Variants in FOXN2 observed in about 807,000 individuals in gnomAD.
FOXN2 encodes the protein forkhead box protein N2.
FOXN2 carries 19 observed loss-of-function variants against 41.2 expected under a neutral mutation model. The ratio of observed to expected loss-of-function variants is 0.46; its 90% CI spans 0.32 to 0.68. FOXN2 has a LOEUF of 0.68. Ranked by LOEUF, FOXN2 falls within the 30% of genes least tolerant of loss-of-function variation. FOXN2 has a pLI of 0.03. For missense variants in FOXN2, 587 were observed against 509.4 expected (o/e 1.15, Z -1.47); for synonymous variants, 195 against 176.8 (o/e 1.10, Z -0.82).
At position 48,375,665 on chromosome 2, in the gene FOXN2, G is replaced by A. The variant is rs967539592; in HGVS notation, c.*222G>A. On this transcript the variant is annotated 3_prime_UTR_variant, in exon 7 of 7. Coordinates refer to ENST00000340553, the MANE Select transcript of FOXN2 (RefSeq NM_002158.4). ...GTGAAGTCCTAAAAGCATAATTTTT[G>A]TGATAAATGTGTCCAAGATTTGAAA... The A allele has an allele frequency of 1.5e-5, 6 of 402,674 alleles. No homozygotes were observed. The highest frequency in any genetic ancestry group is 3.8e-5 in the East Asian group (1 of 26,648). 24.9% of individuals were successfully genotyped at this position (402,674 alleles called of 1,614,324 possible). A position where few individuals can be genotyped will look rare whatever the true frequency, so the allele number is the denominator to read the frequency against.
At chr2:48,316,004 T>C (rs1668889732) in intron 1 of FOXN2, among the ~76,000 whole-genome samples, 1 of 152,172 alleles carries the variant, frequency 6.6e-6, no homozygotes, top group Non-Finnish European at 1.5e-5. Context: ...TTCTCCTATC[T>C]TTTTTCTGAT....
intron 1 of FOXN2, among the ~76,000 whole-genome samples, chr2:48,317,567 T>C (rs1171730460): frequency 2.7e-5 from 4 of 146,716 alleles, no homozygotes; most frequent in Admixed American, 2.1e-4. Context: ...ACTACAGATG[T>C]GTACAATGCC....
At chr2:48,352,949 A>G (rs1671549516) in intron 3 of FOXN2, among the ~76,000 whole-genome samples, 1 of 152,084 alleles carries the variant, frequency 6.6e-6, no homozygotes, top group Non-Finnish European at 1.5e-5. Context: ...TTTAGTTTCT[A>G]CCATAACATT....
chr2:48,339,974 G>A (rs1020894321), intron 2 of FOXN2, among the ~76,000 whole-genome samples: 7 of 152,246 alleles, frequency 4.6e-5, no homozygotes, highest in African/African-American at 1.7e-4. Flanking sequence ...TAATGAATTC[G>A]ATGGGGGAAA....
intron 1 of FOXN2, among the ~76,000 whole-genome samples, chr2:48,317,734 A>C (rs1669024127): frequency 6.9e-6 from 1 of 145,706 alleles, no homozygotes; most frequent in Non-Finnish European, 1.5e-5. Context: ...CAGCCTCTGG[A>C]GTAGCTGGGG....
intron 5 of FOXN2, among the ~76,000 whole-genome samples, chr2:48,364,939 G>A (rs1000313536): frequency 2.0e-5 from 3 of 152,148 alleles, no homozygotes; most frequent in African/African-American, 7.2e-5. Context: ...TATTTCTCCT[G>A]TAGGTTATTT....
chr2:48,347,071 TATAATC>T (rs1402315249), intron 3 of FOXN2, among the ~76,000 whole-genome samples: 1 of 152,132 alleles, frequency 6.6e-6, no homozygotes, highest in African/African-American at 2.4e-5. Flanking sequence ...ATCTCTGCCT[TATAATC>T]AAAGTATAGA....
chr2:48,347,220 C>CTTTTTTTTTTTTTT (rs751958598), intron 3 of FOXN2, among the ~76,000 whole-genome samples: 1 of 75,738 alleles, frequency 1.3e-5, no homozygotes, highest in Non-Finnish European at 2.4e-5. Flanking sequence ...TGTTTTGGTG[C>CTTTTTTTTTTTTTT]TTTTTTTTTT....
chr2:48,373,392 T>G (rs1295988955), intron 6 of FOXN2, 32 bp downstream of exon 6: 1 of 1,289,670 alleles, frequency 7.8e-7, no homozygotes, highest in Non-Finnish European at 1.1e-6. Context: ...AAAAAAAAAT[T>G]TTAGTGCCTT....
chr2:48,367,988 G>A (rs993664218), intron 5 of FOXN2, among the ~76,000 whole-genome samples: 13 of 152,134 alleles, frequency 8.5e-5, no homozygotes, highest in African/African-American at 2.7e-4. Context: ...GATTGCAGAC[G>A]CGTATGACCT....
At position 48,369,934 on chromosome 2, in the gene FOXN2, A is replaced by G. The variant is rs560250266; in HGVS notation, c.704-3358A>G. Among the ~76,000 whole-genome samples the G allele has an allele frequency of 5.3e-5, 8 of 152,210 alleles. No homozygotes were observed. The East Asian group carries it at 1.5e-3, about 29-fold the overall frequency. On this transcript the variant is annotated intron_variant, in intron 5 of 6. Transcript: ENST00000340553. ...AGGATCGTTTGAGCCTGGGAGGTTGAGGCTACAGTGAGCCATAATTGTGTC... is the reference window on the plus strand; with the variant it reads ...AGGATCGTTTGAGCCTGGGAGGTTGGGGCTACAGTGAGCCATAATTGTGTC...
intron 2 of FOXN2, among the ~76,000 whole-genome samples, chr2:48,338,245 G>T (rs1005218273): frequency 2.6e-5 from 4 of 152,146 alleles, no homozygotes; most frequent in Non-Finnish European, 5.9e-5. Context: ...CTGTTCTTTA[G>T]TAGGAGATGT....
At chr2:48,335,249 CAT>C (rs1670260248) in intron 2 of FOXN2, among the ~76,000 whole-genome samples, 1 of 152,178 alleles carries the variant, frequency 6.6e-6, no homozygotes, top group African/African-American at 2.4e-5. Context: ...AAAGAGCAAA[CAT>C]GTTGAAAAGG....
intron 5 of FOXN2, among the ~76,000 whole-genome samples, chr2:48,372,249 C>T (rs74744129): frequency 0.079 from 11,986 of 152,208 alleles, 620 homozygotes; most frequent in Non-Finnish European, 0.11. Flanking sequence ...TTACTTAAGC[C>T]TGTTAGTGTT....
At chr2:48,315,100 C>T (rs939868292) in intron 1 of FOXN2, among the ~76,000 whole-genome samples, 1 of 151,848 alleles carries the variant, frequency 6.6e-6, no homozygotes, top group Non-Finnish European at 1.5e-5. Flanking sequence ...GTAATGACCG[C>T]CCGGGAGGGG....
At chr2:48,335,098 A>G (rs996316580) in intron 2 of FOXN2, among the ~76,000 whole-genome samples, 9 of 152,362 alleles carry the variant, frequency 5.9e-5, no homozygotes, top group Non-Finnish European at 1.0e-4. Flanking sequence ...AATAAAAATT[A>G]CAGGCCATCC....
intron 2 of FOXN2, among the ~76,000 whole-genome samples, 151 bp downstream of exon 2, chr2:48,328,853 C>G (rs1260137201): frequency 6.6e-6 from 1 of 152,024 alleles, no homozygotes; most frequent in East Asian, 1.9e-4. Flanking sequence ...CAGATTTACT[C>G]TAAGAGCTGT....
intron 5 of FOXN2, among the ~76,000 whole-genome samples, chr2:48,365,604 G>T (rs965643796): frequency 1.3e-5 from 2 of 152,056 alleles, no homozygotes; most frequent in Admixed American, 1.3e-4. Flanking sequence ...ATTTACTAGG[G>T]CACAGGTACT....
chr2:48,351,153 G>C (rs1233172402), intron 3 of FOXN2, among the ~76,000 whole-genome samples: 1 of 151,972 alleles, frequency 6.6e-6, no homozygotes, highest in Non-Finnish European at 1.5e-5. Context: ...GTAGAGACAG[G>C]GTTTTGCCAT....
Sources: allele counts gnomAD v4.1 joint callset (sites outside exome capture counted in the v4.1 genomes callset), GRCh38; gene constraint gnomAD v4.1.1; transcripts MANE v1.5; gene names NCBI Gene and HGNC (gene_info 2026-07-23, HGNC 2026-07-21).